Variants in KIAA1217 observed in about 807,000 individuals in gnomAD.
The protein encoded by KIAA1217 is sickle tail protein homolog.
In KIAA1217, 88 loss-of-function variants were observed where a neutral mutation model predicts 163.9. The observed-to-expected ratio is 0.54, with a 90% CI of 0.45 to 0.64. The LOEUF is 0.64. Ranked by LOEUF, KIAA1217 falls within the 30% of genes least tolerant of loss-of-function variation. KIAA1217 has a pLI of 0.00. For missense variants in KIAA1217, 2,372 were observed against 2,475.0 expected (o/e 0.96, Z 0.88); for synonymous variants, 903 against 923.1 (o/e 0.98, Z 0.39).
rs1241004091 is a variant in KIAA1217 at position 23,704,146 on chromosome 10, A to ATGTGTGTG, written c.-321+8932_-321+8939dup. On this transcript the variant is annotated intron_variant, in intron 1 of 18. Coordinates refer to the KIAA1217 transcript ENST00000376462. ...CATATATGCATGTATGTGTGTGTGT[A>ATGTGTGTG]TGTGTGTGTGTGTGTGTGTGTGTGT... Among the ~76,000 whole-genome samples the ATGTGTGTG allele has an allele frequency of 1.9e-3, 125 of 64,830 alleles. 2 individuals are homozygous for ATGTGTGTG. The highest frequency in any genetic ancestry group is 5.8e-3 in the South Asian group (9 of 1,554). The allele number at this position is 64,830 out of a possible 152,430, so 42.5% of individuals were successfully genotyped here. A position where few individuals can be genotyped will look rare whatever the true frequency, so the allele number is the denominator to read the frequency against.
At chr10:24,121,120 G>A (rs1259708134) in intron 2 of KIAA1217, among the ~76,000 whole-genome samples, 2 of 152,162 alleles carry the variant, frequency 1.3e-5, no homozygotes, top group African/African-American at 4.8e-5. Flanking sequence ...CTTTCATTCA[G>A]CTGTCTAGCT....
chr10:23,779,508 A>G (rs1835161313), intron 1 of KIAA1217, among the ~76,000 whole-genome samples: 2 of 152,180 alleles, frequency 1.3e-5, no homozygotes. Context: ...AGGCCAGGTG[A>G]CTAATAGATA....
At chr10:24,266,356 G>A (rs1197464419) in intron 2 of KIAA1217, among the ~76,000 whole-genome samples, 7 of 152,158 alleles carry the variant, frequency 4.6e-5, no homozygotes, top group Non-Finnish European at 1.0e-4. Context: ...TGCAATTACA[G>A]GCGTGAGCCA....
intron 2 of KIAA1217, among the ~76,000 whole-genome samples, chr10:24,163,420 T>A (rs1388878909): frequency 2.0e-5 from 3 of 152,226 alleles, no homozygotes; most frequent in Admixed American, 2.0e-4. Context: ...TATATCTTAA[T>A]TGCCATTAAG....
At chr10:24,070,965 G>C (rs998615483) in intron 2 of KIAA1217, among the ~76,000 whole-genome samples, 1 of 152,080 alleles carries the variant, frequency 6.6e-6, no homozygotes, top group Non-Finnish European at 1.5e-5. Context: ...ATATTTTTAA[G>C]GGTATTTCTA....
chr10:23,813,053 C>A (rs912860526), intron 1 of KIAA1217, among the ~76,000 whole-genome samples: 6 of 152,110 alleles, frequency 3.9e-5, no homozygotes, highest in African/African-American at 1.4e-4. Flanking sequence ...TACATGTTCA[C>A]CAGCAGCATA....
intron 1 of KIAA1217, among the ~76,000 whole-genome samples, chr10:23,967,764 C>T (rs1417440549): frequency 6.6e-6 from 1 of 151,870 alleles, no homozygotes; most frequent in Non-Finnish European, 1.5e-5. Context: ...CAAATTTAAC[C>T]TGCTTATTGA....
intron 3 of KIAA1217, among the ~76,000 whole-genome samples, chr10:24,428,024 C>T (rs1032929843): frequency 3.3e-5 from 5 of 151,996 alleles, no homozygotes; most frequent in African/African-American, 1.2e-4. Flanking sequence ...ACCAGCCAGA[C>T]CCTGAGGTAA....
intron 1 of KIAA1217, among the ~76,000 whole-genome samples, chr10:23,934,575 A>ATATATATATATATG (rs2081594956): frequency 1.5e-5 from 1 of 65,966 alleles, no homozygotes; most frequent in Non-Finnish European, 2.6e-5. Flanking sequence ...ATATATATAT[A>ATATATATATATATG]TATATATATA....
At chr10:23,791,299 T>C (rs989466891) in intron 1 of KIAA1217, among the ~76,000 whole-genome samples, 1 of 152,198 alleles carries the variant, frequency 6.6e-6, no homozygotes, top group Non-Finnish European at 1.5e-5. Flanking sequence ...TAAGCCCATA[T>C]GTATACCTCA....
chr10:24,449,583 G>A (rs957473100), intron 5 of KIAA1217: 10 of 985,246 alleles, frequency 1.0e-5, no homozygotes, highest in African/African-American at 1.7e-5. Context: ...AACAAGAGTG[G>A]ATACTGCTCC....
chr10:23,951,478 A>G (rs1564560216), intron 1 of KIAA1217, among the ~76,000 whole-genome samples: 1 of 152,070 alleles, frequency 6.6e-6, no homozygotes, highest in Non-Finnish European at 1.5e-5. Flanking sequence ...ACATGGCAAA[A>G]CGCTTTCTCT....
At chr10:23,982,537 CT>C (rs1845814308) in intron 1 of KIAA1217, among the ~76,000 whole-genome samples, 1 of 92,526 alleles carries the variant, frequency 1.1e-5, no homozygotes, top group South Asian at 4.3e-4. Flanking sequence ...GTTTCTCTCT[CT>C]CTCTCTCTCT....
At chr10:23,864,009 A>G (rs1164611655) in intron 1 of KIAA1217, among the ~76,000 whole-genome samples, 2 of 152,252 alleles carry the variant, frequency 1.3e-5, no homozygotes, top group Admixed American at 1.3e-4. Flanking sequence ...TTGTGCCTGC[A>G]TACAGTATAT....
At chr10:24,316,888 T>A (rs572136531) in intron 2 of KIAA1217, among the ~76,000 whole-genome samples, 6 of 152,320 alleles carry the variant, frequency 3.9e-5, no homozygotes, top group African/African-American at 1.4e-4. Flanking sequence ...AGGCTTTGAA[T>A]GGAATGAAAA....
rs141739205 is a variant in KIAA1217 at position 23,748,986 on chromosome 10, A to G, written c.-321+53752A>G. On this transcript the variant is annotated intron_variant, in intron 1 of 18. Coordinates refer to the KIAA1217 transcript ENST00000376462. Reference sequence around the variant, plus strand: ...CATCATCACTTCTCTGCCACCATCCACCCCTGGCTTCGTCCTAGAGCTCGT... The same window carrying G: ...CATCATCACTTCTCTGCCACCATCCGCCCCTGGCTTCGTCCTAGAGCTCGT... Among the ~76,000 whole-genome samples, 1,077 of 151,842 alleles carry G rather than the reference A, an allele frequency of 7.1e-3. 7 individuals carry two copies. The highest frequency in any genetic ancestry group is 0.011 in the Admixed American group (165 of 15,262).
At chr10:23,906,395 T>C (rs1207261612) in intron 1 of KIAA1217, among the ~76,000 whole-genome samples, 2 of 152,116 alleles carry the variant, frequency 1.3e-5, no homozygotes, top group Non-Finnish European at 1.5e-5. Context: ...AAATGTGAAA[T>C]GGAATGTACT....
chr10:24,291,246 C>T (rs1051500244), intron 2 of KIAA1217, among the ~76,000 whole-genome samples: 13 of 152,068 alleles, frequency 8.5e-5, no homozygotes, highest in African/African-American at 1.4e-4. Flanking sequence ...TTCACTCAAT[C>T]GGCTGGGCAT....
At chr10:24,510,644 G>A (rs903392525) in intron 9 of KIAA1217, among the ~76,000 whole-genome samples, 5 of 151,876 alleles carry the variant, frequency 3.3e-5, no homozygotes, top group Admixed American at 1.3e-4. Flanking sequence ...ACTCATTCCC[G>A]CCCCCTTCAA....
Sources: allele counts gnomAD v4.1 joint callset (sites outside exome capture counted in the v4.1 genomes callset), GRCh38; gene constraint gnomAD v4.1.1; transcripts MANE v1.5; gene names NCBI Gene and HGNC (gene_info 2026-07-23, HGNC 2026-07-21).